SERPINA12: variants seen among roughly 807,000 people sequenced by gnomAD.
SERPINA12 encodes serpin family A member 12.
Under a neutral mutation model 25.9 loss-of-function variants are expected in SERPINA12, and 21 were observed. The ratio of observed to expected loss-of-function variants is 0.81; its 90% CI spans 0.58 to 1.17. The LOEUF (loss-of-function observed/expected upper bound fraction) is 1.17, where lower values mean the gene tolerates loss of function less well. Among genes scored for constraint, SERPINA12 ranks in the 50% most tolerant of loss-of-function variants. The pLI, the probability that SERPINA12 is intolerant of heterozygous loss-of-function variation, is 0.00. For synonymous variants in SERPINA12, 220 were observed against 196.0 expected, an observed-to-expected ratio of 1.12 and a Z score of -1.02; for missense variants, 562 against 508.3, an observed-to-expected ratio of 1.11 and a Z score of -1.02.
At chr14:94,510,161 G>A, upstream of SERPINA12, 2 of 985,428 alleles carry the variant, frequency 2.0e-6, no homozygotes, top group Non-Finnish European at 2.4e-6. Context: ...GTACTCACCT[G>A]TACAATGGGC....
intron 1 of SERPINA12, among the ~76,000 whole-genome samples, chr14:94,503,768 T>G (rs1235722164): frequency 6.6e-6 from 1 of 152,128 alleles, no homozygotes; most frequent in East Asian, 1.9e-4. Flanking sequence ...CCAGCCTCTA[T>G]CCTCAGAGAG....
At position 94,487,407 on chromosome 14, in the gene SERPINA12, G is replaced by C. The variant is rs930867853; in HGVS notation, c.1141C>G (p.Pro381Ala). Residue 381 changes from proline (P) to alanine (A), a missense_variant, in exon 5 of 5, where the codon CCA (proline) becomes GCA (alanine). By Grantham distance (27) the Pro-to-Ala change is conservative. Transcript: ENST00000677451. Reference protein sequence around the residue: ...TGAQTLPMETPLVVKIDKPYL... With the variant: ...TGAQTLPMETALVVKIDKPYL... ...GGTTTGTCTATCTTGACGACGAGTG[G>C]TGTCTCCATGGGCAGAGTCTGTGCT... 1 of 1,614,036 alleles carries C rather than the reference G, an allele frequency of 6.2e-7. No homozygotes were observed. The highest frequency in any genetic ancestry group is 8.5e-7 in the Non-Finnish European group (1 of 1,179,946).
upstream of SERPINA12, chr14:94,511,715 T>C (rs17090980): frequency 6.9e-3 from 6,802 of 985,296 alleles, 185 homozygotes; most frequent in East Asian, 0.15. Context: ...AGAACTTGAG[T>C]TGAAAAGCAG....
intron 3 of SERPINA12, among the ~76,000 whole-genome samples, chr14:94,491,926 G>C (rs1019956279): frequency 6.6e-6 from 1 of 152,174 alleles, no homozygotes; most frequent in Non-Finnish European, 1.5e-5. Context: ...GGTGTTTAAA[G>C]CTCTTAGCCT....
rs542134094 is a variant in SERPINA12 at position 94,496,364 on chromosome 14, C to T, written c.905+9G>A. On this transcript the variant is annotated intron_variant, in intron 3 of 4. Transcript: ENST00000677451. The stretch of plus-strand genomic sequence containing the variant: ...GGAAAAAGCTGCGAGGGCTAGGCAC[C>T]CACTTTACCTGCGTGACAGTAATGT... The T allele has an allele frequency of 7.3e-5, 118 of 1,614,042 alleles. No homozygotes were observed. The highest frequency in any genetic ancestry group is 4.3e-4 in the Admixed American group (26 of 60,016).
chr14:94,504,576 T>C (rs1445496869), intron 1 of SERPINA12, among the ~76,000 whole-genome samples: 2 of 152,268 alleles, frequency 1.3e-5, no homozygotes, highest in African/African-American at 2.4e-5. Flanking sequence ...TATTTTTTCA[T>C]GTGTTCCAAA....
At chr14:94,494,332 G>C (rs540926751) in intron 3 of SERPINA12, among the ~76,000 whole-genome samples, 9 of 152,324 alleles carry the variant, frequency 5.9e-5, no homozygotes, top group East Asian at 1.9e-4. Flanking sequence ...CAACATGGGG[G>C]AACCCGTGGG....
chr14:94,517,503 C>G (rs1055253167), exon 1 of SERPINA12: 2 of 152,230 alleles, frequency 1.3e-5, no homozygotes, highest in Admixed American at 6.5e-5. Flanking sequence ...TCACCATCGT[C>G]CCAGTGTGTC....
intron 2 of SERPINA12, 126 bp downstream of exon 2, chr14:94,497,638 G>A: frequency 6.1e-6 from 5 of 816,434 alleles, no homozygotes; most frequent in South Asian, 5.6e-5. Flanking sequence ...TAGGAAAAGT[G>A]AGGTTTTGAG....
At chr14:94,508,396 TTTAGAAAA>T (rs1480659364) in intron 1 of SERPINA12, among the ~76,000 whole-genome samples, 21 of 1,936 alleles carry the variant, frequency 0.011, no homozygotes, top group Middle Eastern at 0.12. Context: ...AAATAGAAAA[TTTAGAAAA>T]TTTTTTTTTA....
intron 1 of SERPINA12, among the ~76,000 whole-genome samples, chr14:94,504,503 G>A (rs1021581243): frequency 3.3e-5 from 5 of 152,226 alleles, no homozygotes; most frequent in African/African-American, 1.2e-4. Context: ...CTGCCCATGG[G>A]AACAGGTTGA....
At chr14:94,497,143 A>G (rs984462080) in intron 2 of SERPINA12, among the ~76,000 whole-genome samples, 5 of 152,200 alleles carry the variant, frequency 3.3e-5, no homozygotes, top group Admixed American at 2.0e-4. Context: ...CTGTTTGTGT[A>G]CATGTGTTCT....
At chr14:94,497,521 T>G (rs2139852455) in intron 2 of SERPINA12, among the ~76,000 whole-genome samples, 1 of 152,360 alleles carries the variant, frequency 6.6e-6, no homozygotes, top group South Asian at 2.1e-4. Context: ...GTTAGGATAA[T>G]CACCAATAAT....
chr14:94,488,060 A>G (rs1899978375), intron 4 of SERPINA12, among the ~76,000 whole-genome samples: 2 of 152,130 alleles, frequency 1.3e-5, no homozygotes, highest in Non-Finnish European at 2.9e-5. Context: ...AATTCTCACA[A>G]TTTTACTTGC....
At chr14:94,515,335 G>T (rs1004130993) in intron 2 of SERPINA12, among the ~76,000 whole-genome samples, 2 of 152,148 alleles carry the variant, frequency 1.3e-5, no homozygotes, top group African/African-American at 4.8e-5. Context: ...TCCTGGAGAA[G>T]GTGGCCATAA....
At chr14:94,508,160 A>G (rs1304571431) in intron 1 of SERPINA12, among the ~76,000 whole-genome samples, 1 of 152,266 alleles carries the variant, frequency 6.6e-6, no homozygotes, top group Non-Finnish European at 1.5e-5. Context: ...CCTCCAAGCA[A>G]TAAGGCAAAG....
chr14:94,502,269 G>A (rs1424750800), intron 1 of SERPINA12, among the ~76,000 whole-genome samples: 1 of 152,048 alleles, frequency 6.6e-6, no homozygotes, highest in Non-Finnish European at 1.5e-5. Flanking sequence ...AGATAAAATA[G>A]TGCCTCACTG....
intron 4 of SERPINA12, among the ~76,000 whole-genome samples, chr14:94,488,279 G>T (rs1899986953): frequency 6.6e-6 from 1 of 152,068 alleles, no homozygotes; most frequent in African/African-American, 2.4e-5. Context: ...TGTGCCATCT[G>T]ATTCAGAGCA....
Position 94,496,511 on chromosome 14 carries a change from G to A in SERPINA12, c.767C>T (p.Ser256Phe), listed in dbSNP as rs1380080497. ...GTAGGGTATTTCCAGGATGGTGCAA[G>A]AGAGCTTATCGTCATAGCCAACTTG... ...IYQVGYDDKL[S>F]CTILEIPYQK... The change falls in exon 3 of 5, where the codon TCT (serine) becomes TTT (phenylalanine). Residue 256 changes from serine to phenylalanine, a missense_variant. Coordinates refer to ENST00000677451, the MANE Select transcript of SERPINA12 (RefSeq NM_001382267.1). 1.2e-6 allele frequency: 2 copies of A among 1,614,008 alleles called. No individual in the cohort carries two copies. The highest frequency in any genetic ancestry group is 1.7e-5 in the Admixed American group (1 of 60,022).
Sources: allele counts gnomAD v4.1 joint callset (sites outside exome capture counted in the v4.1 genomes callset), GRCh38; gene constraint gnomAD v4.1.1; transcripts MANE v1.5; gene names NCBI Gene and HGNC (gene_info 2026-07-23, HGNC 2026-07-21).